The following GABRB3 variants were observed in gnomAD, a reference collection of about 807,000 sequenced individuals.
GABRB3 encodes the protein gamma-aminobutyric acid type A receptor subunit beta3, also known as gamma-aminobutyric acid receptor subunit beta-3.
A neutral mutation model predicts 52.1 loss-of-function variants in GABRB3; 14 were observed. The ratio of observed to expected loss-of-function variants is 0.27; its 90% CI spans 0.18 to 0.42. GABRB3 has a LOEUF of 0.42. Among genes scored for constraint, GABRB3 ranks in the 10% least tolerant of loss-of-function variants. The pLI is 1.00. For synonymous variants in GABRB3, 260 were observed against 232.3 expected, an observed-to-expected ratio of 1.12 and a Z score of -1.08; for missense variants, 307 against 609.1, an observed-to-expected ratio of 0.50 and a Z score of 5.22.
chr15:26,634,639 G>A (rs1269126658), intron 3 of GABRB3, among the ~76,000 whole-genome samples: 2 of 151,904 alleles, frequency 1.3e-5, no homozygotes, highest in Admixed American at 6.6e-5. Context: ...CATGTTATGG[G>A]TTAAATAGAA....
chr15:26,640,666 T>TAGC (rs142442114), intron 3 of GABRB3, among the ~76,000 whole-genome samples: 2,915 of 152,356 alleles, frequency 0.019, 59 homozygotes, highest in Admixed American at 0.06. Context: ...TCAAGTTGGA[T>TAGC]AGCAGCTAGA....
At chr15:26,603,675 T>C (rs557807490) in intron 4 of GABRB3, among the ~76,000 whole-genome samples, 1 of 152,058 alleles carries the variant, frequency 6.6e-6, no homozygotes, top group Non-Finnish European at 1.5e-5. Context: ...ACAAAAACTA[T>C]ATCATCATTT....
chr15:26,586,336 G>C (rs1452884761), intron 4 of GABRB3, among the ~76,000 whole-genome samples: 1 of 150,778 alleles, frequency 6.6e-6, no homozygotes, highest in African/African-American at 2.4e-5. Context: ...CACTTGAACT[G>C]AGTCAATGAT....
chr15:26,634,927 G>C (rs1281949614), intron 3 of GABRB3, among the ~76,000 whole-genome samples: 2 of 129,578 alleles, frequency 1.5e-5, no homozygotes, highest in African/African-American at 5.7e-5. Context: ...CCAAATATTA[G>C]ATAATCTCTA....
Position 26,555,897 on chromosome 15 carries a change from A to T in GABRB3, c.1080+5035T>A, listed in dbSNP as rs181322792. On this transcript the variant is annotated intron_variant, in intron 8 of 8. Coordinates refer to ENST00000311550, the MANE Select transcript of GABRB3 (RefSeq NM_000814.6). ...CCAGTATGTAGAAAATTTCCACAAA[A>T]ATTACTCATGGATTTTTTTTTCTGA... Among the ~76,000 whole-genome samples, 22 of 152,346 alleles carry T rather than the reference A, an allele frequency of 1.4e-4. No individual in the cohort carries two copies. The East Asian group carries it at 4.3e-3, about 29-fold the overall frequency.
intron 3 of GABRB3, among the ~76,000 whole-genome samples, chr15:26,629,605 T>C (rs1012097511): frequency 4.6e-5 from 7 of 152,038 alleles, no homozygotes; most frequent in Non-Finnish European, 7.4e-5. Flanking sequence ...GATGCAGAAG[T>C]GTCCTCGTCC....
chr15:26,590,200 G>A (rs1891142891), intron 4 of GABRB3: 1 of 49,760 alleles, frequency 2.0e-5, no homozygotes, highest in African/African-American at 3.6e-5. Flanking sequence ...CTGCAGCGAA[G>A]ACCACATGAA....
Position 26,544,652 on chromosome 15 carries a change from T to C in GABRB3, c.*3141A>G, listed in dbSNP as rs1889161203. 1 of 152,152 alleles carries C rather than the reference T, an allele frequency of 6.6e-6. No individual in the cohort carries two copies. The highest frequency in any genetic ancestry group is 1.5e-5 in the Non-Finnish European group (1 of 68,036). 9.4% of individuals were successfully genotyped at this position (152,152 alleles called of 1,614,324 possible). A position where few individuals can be genotyped will look rare whatever the true frequency, so the allele number is the denominator to read the frequency against. ...ACTCAAGTCTATCAGTCTTTCTCTG[T>C]AGGGAGTTATGTAGCAGGGCTCTTC... is the stretch of plus-strand genomic sequence containing the variant. On this transcript the variant is annotated 3_prime_UTR_variant, in exon 9 of 9. Transcript: ENST00000311550.
intron 6 of GABRB3, 90 bp downstream of exon 6, chr15:26,580,229 C>T (rs1890738247): frequency 1.4e-6 from 2 of 1,467,372 alleles, no homozygotes; most frequent in Middle Eastern, 1.7e-4. Context: ...TGATCCTGTG[C>T]TGTGAGTCTA....
intron 7 of GABRB3, among the ~76,000 whole-genome samples, chr15:26,562,161 A>G (rs141258885): frequency 1.6e-4 from 25 of 152,292 alleles, no homozygotes; most frequent in African/African-American, 5.8e-4. Context: ...TTGTGGAGTT[A>G]AGTTACGCTG....
chr15:26,722,371 A>C (rs2315903), intron 3 of GABRB3, among the ~76,000 whole-genome samples: 134,689 of 151,834 alleles, frequency 0.89, 59,772 homozygotes, highest in East Asian at 0.9. Flanking sequence ...CAGGACTAAA[A>C]CATTTCACAA....
At chr15:26,739,972 C>T (rs989053056) in intron 3 of GABRB3, among the ~76,000 whole-genome samples, 2 of 152,146 alleles carry the variant, frequency 1.3e-5, no homozygotes, top group Admixed American at 6.5e-5. Context: ...CACTTCCTGC[C>T]GTGACACCTG....
chr15:26,560,841 C>T (rs1889953048), intron 8 of GABRB3, 91 bp downstream of exon 8: 1 of 1,566,348 alleles, frequency 6.4e-7, no homozygotes, highest in South Asian at 1.1e-5. Flanking sequence ...ACATACACTA[C>T]TGGGGAAAAA....
Position 26,772,990 on chromosome 15 carries a change from G to A in GABRB3, c.-28C>T. ...CTCCGCCGCGCCCCGGCACGGGGGA[G>A]GGGGCGCCCCGCCGCCGTCGCGACC... On this transcript the variant is annotated 5_prime_UTR_variant, in exon 1 of 9. Transcript: ENST00000311550. The A allele has an allele frequency of 2.2e-6, 3 of 1,355,132 alleles. No individual in the cohort carries two copies. The highest frequency in any genetic ancestry group is 1.6e-5 in the South Asian group (1 of 60,886). 83.9% of individuals were successfully genotyped at this position (1,355,132 alleles called of 1,614,324 possible). A position where few individuals can be genotyped will look rare whatever the true frequency, so the allele number is the denominator to read the frequency against.
In GABRB3 at chr15:26,586,521, T is replaced by C. The variant is rs539237910; in HGVS notation, c.462-3107A>G. ...GAAGGGGAACCTGAGGCTAGAAGAA[T>C]TGGTGACAGCATGCCCTTTTCCCAC... On this transcript the variant is annotated intron_variant, in intron 4 of 8. Transcript: ENST00000311550. Among the ~76,000 whole-genome samples, 13 of 151,380 alleles carry C rather than the reference T, an allele frequency of 8.6e-5. 1 individual carries two copies. The highest frequency in any genetic ancestry group is 3.9e-4 in the East Asian group (2 of 5,100).
intron 3 of GABRB3, among the ~76,000 whole-genome samples, chr15:26,691,551 G>A (rs1178543594): frequency 1.3e-4 from 20 of 152,242 alleles, no homozygotes; most frequent in African/African-American, 4.1e-4. Context: ...GACCCATGGC[G>A]AAGGGAATTT....
At chr15:26,766,269 G>A (rs138944197) in intron 3 of GABRB3, among the ~76,000 whole-genome samples, 50 of 152,210 alleles carry the variant, frequency 3.3e-4, no homozygotes, top group African/African-American at 1.1e-3. Flanking sequence ...AGAAAGAAAG[G>A]TTCAGTTACT....
intron 3 of GABRB3, among the ~76,000 whole-genome samples, chr15:26,737,462 G>GTGTA (rs1890094078): frequency 6.6e-6 from 1 of 152,206 alleles, no homozygotes; most frequent in Admixed American, 6.5e-5. Context: ...CCCCTGCTAT[G>GTGTA]TGTATGTGCT....
At chr15:26,695,379 A>G (rs537866577) in intron 3 of GABRB3, among the ~76,000 whole-genome samples, 23 of 152,262 alleles carry the variant, frequency 1.5e-4, no homozygotes, top group Middle Eastern at 3.4e-3. Flanking sequence ...AGAAAGTCAG[A>G]GGAAAAAGGA....
Sources: gnomAD v4.1 joint callset for allele counts (sites outside exome capture counted in the v4.1 genomes callset) on GRCh38, gnomAD v4.1.1 for gene constraint, MANE v1.5 for transcripts, NCBI Gene and HGNC (gene_info 2026-07-23, HGNC 2026-07-21) for gene names.